Variants in DHX29 observed in about 807,000 individuals in gnomAD.
The protein encoded by DHX29 is ATP-dependent RNA helicase DHX29.
A neutral mutation model predicts 167.9 loss-of-function variants in DHX29; 79 were observed. That is an observed-to-expected ratio of 0.47 (90% CI 0.39 to 0.57). The LOEUF (loss-of-function observed/expected upper bound fraction) is 0.57. Among genes scored for constraint, DHX29 ranks in the 20% least tolerant of loss-of-function variants. DHX29 has a pLI of 0.00. For synonymous variants in DHX29, 530 were observed against 546.0 expected, an observed-to-expected ratio of 0.97 and a Z score of 0.41; for missense variants, 1,347 against 1,593.4, an observed-to-expected ratio of 0.85 and a Z score of 2.63.
chr5:55,270,829 A>G (rs2111829036), intron 18 of DHX29, 123 bp from the exon 19 acceptor site: 2 of 665,960 alleles, frequency 3.0e-6, no homozygotes, highest in Non-Finnish European at 5.2e-6. Flanking sequence ...TTGTGGACCA[A>G]TAGTTCTCAA....
chr5:55,271,576 T>C (rs576254594), intron 18 of DHX29, among the ~76,000 whole-genome samples: 1 of 152,324 alleles, frequency 6.6e-6, no homozygotes, highest in East Asian at 1.9e-4. Context: ...GAGGCTGCAG[T>C]GAGACTGTGC....
chr5:55,296,839 T>C (rs1461121270), intron 3 of DHX29, among the ~76,000 whole-genome samples: 1 of 152,210 alleles, frequency 6.6e-6, no homozygotes, highest in Non-Finnish European at 1.5e-5. Flanking sequence ...TAAAGCATTT[T>C]AACATACTTT....
chr5:55,266,986 G>A, intron 23 of DHX29, 152 bp downstream of exon 23: 2 of 537,052 alleles, frequency 3.7e-6, no homozygotes, highest in Non-Finnish European at 6.6e-6. Context: ...TTACTTGCTG[G>A]AAGAAAGAAG....
chr5:55,275,364 T>C (rs1398065364), intron 14 of DHX29, among the ~76,000 whole-genome samples: 1 of 152,190 alleles, frequency 6.6e-6, no homozygotes, highest in Non-Finnish European at 1.5e-5. Flanking sequence ...CGTTAGTAAG[T>C]AGTTTGTACC....
chr5:55,272,936 G>C (rs1265100386), intron 17 of DHX29, among the ~76,000 whole-genome samples: 1 of 152,084 alleles, frequency 6.6e-6, no homozygotes, highest in Non-Finnish European at 1.5e-5. Context: ...GAGAAGATCT[G>C]CCTAGAGAAC....
chr5:55,272,227 C>G lies in DHX29; in HGVS notation c.2776-52G>C, dbSNP rs780241653. 3.6e-6 allele frequency: 4 copies of G among 1,103,184 alleles called. No homozygotes were observed. In the Admixed American group the frequency reaches 1.1e-4, roughly 30 times the overall value. 68.3% of individuals were successfully genotyped at this position (1,103,184 alleles called of 1,614,324 possible). A position where few individuals can be genotyped will look rare whatever the true frequency, so the allele number is the denominator to read the frequency against. ...ATTTAGACTACTTTCATGAATGTAT[C>G]ATTATTTAAATTTCTTTAGTTTGAG... is the stretch of plus-strand genomic sequence containing the variant. On this transcript the variant is annotated intron_variant, in intron 17 of 26. Coordinates refer to ENST00000251636, the MANE Select transcript of DHX29 (RefSeq NM_019030.4).
At chr5:55,304,993 T>G (rs1748790825) in intron 1 of DHX29, among the ~76,000 whole-genome samples, 1 of 152,232 alleles carries the variant, frequency 6.6e-6, no homozygotes, top group Admixed American at 6.5e-5. Flanking sequence ...ACCTCTAGTT[T>G]TTTTCTCTTG....
chr5:55,284,514 A>G (rs541080864), intron 10 of DHX29, among the ~76,000 whole-genome samples: 110 of 152,356 alleles, frequency 7.2e-4, no homozygotes, highest in African/African-American at 2.6e-3. Context: ...AAGAACTTTT[A>G]CTGGCAGAAA....
At chr5:55,302,683 C>T (rs112649870) in intron 1 of DHX29, among the ~76,000 whole-genome samples, 160 of 151,796 alleles carry the variant, frequency 1.1e-3, no homozygotes, top group African/African-American at 3.7e-3. Context: ...CCAAACATTT[C>T]ACCTAAGAGT....
chr5:55,307,610 C>T lies in DHX29; in HGVS notation c.-37G>A. 6.2e-7 allele frequency: 1 copy of T among 1,609,422 alleles called. No homozygotes were observed. Among genetic ancestry groups the T allele is most frequent in the South Asian group, 1.1e-5 (1 of 90,916 alleles). The stretch of plus-strand genomic sequence containing the variant: ...GGCAGAAGATCCTTCGCGGCCCAGG[C>T]CCCGACGGTACCACTGCACAGCCGA... On this transcript the variant is annotated 5_prime_UTR_variant, in exon 1 of 27. Transcript: ENST00000251636.
chr5:55,287,763 A>G (rs1747813441), intron 8 of DHX29, among the ~76,000 whole-genome samples: 1 of 151,836 alleles, frequency 6.6e-6, no homozygotes, highest in South Asian at 2.1e-4. Context: ...AGCATGGCCA[A>G]CATGGCAAAA....
At position 55,290,864 on chromosome 5, in the gene DHX29, A is replaced by C. The variant is rs867505281; in HGVS notation, c.781-520T>G. Among the ~76,000 whole-genome samples, 4 of 152,160 alleles carry C rather than the reference A, an allele frequency of 2.6e-5. 1 individual carries two copies. The South Asian group carries it at 8.3e-4, about 32-fold the overall frequency. On this transcript the variant is annotated intron_variant, in intron 6 of 26. Coordinates refer to ENST00000251636, the MANE Select transcript of DHX29 (RefSeq NM_019030.4). ...ACCCCGTCTCTACCAAAAATACAAA[A>C]ATTAGCTGGGTGTGGGGGTGGATGC...
chr5:55,261,406 C>T lies in DHX29; in HGVS notation c.3922G>A (p.Glu1308Lys). The T allele has an allele frequency of 6.3e-7, 1 of 1,581,420 alleles. No homozygotes were observed. The highest frequency in any genetic ancestry group is 1.1e-5 in the South Asian group (1 of 89,896). The change falls in exon 25 of 27, where the codon GAA becomes AAA. Residue 1308 changes from glutamate to lysine, a missense_variant. Coordinates refer to ENST00000251636, the MANE Select transcript of DHX29 (RefSeq NM_019030.4). ...FGGDIEVQHR[E>K]RLLSIDGWIY... is the part of the protein sequence containing the mutation. ...CAGCCATCAATAGAAAGAAGACGTT[C>T]TCGGTGCTGAACTTCTATATCACCA...
chr5:55,263,618 C>T (rs545863762), intron 23 of DHX29, among the ~76,000 whole-genome samples: 1 of 151,774 alleles, frequency 6.6e-6, no homozygotes, highest in African/African-American at 2.4e-5. Context: ...CATAACACCA[C>T]AGGGTTGGTG....
Position 55,297,384 on chromosome 5 carries a change from GT to G in DHX29, c.275del (p.Asn92ThrfsTer3). 1 of 1,458,690 alleles carries G rather than the reference GT, an allele frequency of 6.9e-7. No individual in the cohort carries two copies. Among genetic ancestry groups the G allele is most frequent in the Non-Finnish European group, 9.6e-7 (1 of 1,043,478 alleles). The allele number at this position is 1,458,690 out of a possible 1,614,324, so 90.4% of individuals were successfully genotyped here. ...CTCCAATAATTCTTTGCTCTAGTTT[GT>G]TATTAATTACCACCTGTTGAGGCCA... The part of the protein sequence containing the change: ...DKSILKVVIN[N>X]KLEQRIIGVI... On this transcript the variant is annotated frameshift_variant, in exon 3 of 27. Coordinates refer to ENST00000251636, the MANE Select transcript of DHX29 (RefSeq NM_019030.4). LOFTEE classifies it high-confidence loss of function.
In DHX29 at chr5:55,267,829, A is replaced by G. The variant is rs1746656706; in HGVS notation, c.3295-7T>C. The G allele has an allele frequency of 1.3e-6, 2 of 1,586,824 alleles. No homozygotes were observed. Among genetic ancestry groups the G allele is most frequent in the African/African-American group, 1.3e-5 (1 of 74,270 alleles). On this transcript the variant is annotated splice_region_variant and splice_polypyrimidine_tract_variant and intron_variant, in intron 21 of 26. Coordinates refer to ENST00000251636, the MANE Select transcript of DHX29 (RefSeq NM_019030.4). Reference sequence around the variant, plus strand: ...TAACTGCAGCTAGTGTTGCCTATCCATAAATCATAAATGACAAAACAATTT... The same window carrying G: ...TAACTGCAGCTAGTGTTGCCTATCCGTAAATCATAAATGACAAAACAATTT...
intron 11 of DHX29, among the ~76,000 whole-genome samples, chr5:55,282,875 G>T (rs931937590): frequency 6.6e-6 from 1 of 152,056 alleles, no homozygotes; most frequent in African/African-American, 2.4e-5. Context: ...AAAAACTTGA[G>T]ATATATTTTA....
intron 17 of DHX29, 140 bp from the exon 18 acceptor site, chr5:55,272,315 T>G (rs1746892969): frequency 3.3e-6 from 2 of 603,588 alleles, no homozygotes; most frequent in South Asian, 4.3e-5. Context: ...TATTTGCTAT[T>G]ACTGTGTAAT....
chr5:55,290,546 T>C lies in DHX29; in HGVS notation c.781-202A>G, dbSNP rs1372040865. On this transcript the variant is annotated intron_variant, in intron 6 of 26. Transcript: ENST00000251636. ...CATAGATGTTTGGTGAGGCACTGAC[T>C]GTAAAAGAAAAACTGGAAATCATAT... Among the ~76,000 whole-genome samples the C allele has an allele frequency of 3.9e-5, 6 of 152,304 alleles. No individual in the cohort carries two copies. In the South Asian group the frequency reaches 1.0e-3, roughly 26 times the overall value.
Sources: gnomAD v4.1 joint callset for allele counts (sites outside exome capture counted in the v4.1 genomes callset) on GRCh38, gnomAD v4.1.1 for gene constraint, MANE v1.5 for transcripts, NCBI Gene and HGNC (gene_info 2026-07-23, HGNC 2026-07-21) for gene names.